Variants in NRF1 observed in about 807,000 individuals in gnomAD.
The protein encoded by NRF1 is nuclear respiratory factor 1, also known as alpha palindromic-binding protein.
A neutral mutation model predicts 58.5 loss-of-function variants in NRF1; 5 were observed. The observed-to-expected ratio is 0.09, with a 90% confidence interval of 0.04 to 0.18. The LOEUF (loss-of-function observed/expected upper bound fraction) is 0.18, where lower values mean the gene tolerates loss of function less well. Ranked by LOEUF, NRF1 falls within the 10% of genes least tolerant of loss-of-function variation. The pLI is 1.00. For synonymous variants in NRF1, 224 were observed against 246.7 expected (o/e 0.91, Z 0.86); for missense variants, 288 against 657.7 (o/e 0.44, Z 6.15).
chr7:129,702,954 G>A (rs1274955245), intron 5 of NRF1, among the ~76,000 whole-genome samples: 1 of 152,180 alleles, frequency 6.6e-6, no homozygotes, highest in Non-Finnish European at 1.5e-5. Flanking sequence ...GGTATTTGGA[G>A]GATGTGTAAG....
intron 5 of NRF1, among the ~76,000 whole-genome samples, chr7:129,699,226 G>A (rs568723845): frequency 6.6e-6 from 1 of 152,130 alleles, no homozygotes; most frequent in African/African-American, 2.4e-5. Context: ...TTATTCACAC[G>A]GCTTTTGAGA....
At chr7:129,690,579 G>C in intron 5 of NRF1, 33 bp downstream of exon 5, 1 of 1,612,962 alleles carries the variant, frequency 6.2e-7, no homozygotes, top group Non-Finnish European at 8.5e-7. Context: ...GAGACTCAAA[G>C]ACAAGTGGCA....
At chr7:129,685,125 AT>A (rs911943010) in intron 4 of NRF1, among the ~76,000 whole-genome samples, 4 of 152,098 alleles carry the variant, frequency 2.6e-5, no homozygotes, top group East Asian at 3.8e-4. Context: ...TTAAAAAAAA[AT>A]TTTTTTTATG....
rs1280264221 is a variant in NRF1 at position 129,622,670 on chromosome 7, A to G, written c.-7+10846A>G. Among the ~76,000 whole-genome samples the G allele has an allele frequency of 2.0e-5, 3 of 151,554 alleles. No homozygotes were observed. The East Asian group carries it at 5.8e-4, about 29-fold the overall frequency. ...CTGCAACCTCTGGCTCCCAGGTTCA[A>G]GCGATTCTGCCACCTCAGCCTCCTG... is the stretch of plus-strand genomic sequence containing the variant. On this transcript the variant is annotated intron_variant, in intron 1 of 10. Transcript: ENST00000393232.
chr7:129,751,417 T>C (rs6956475), intron 10 of NRF1, among the ~76,000 whole-genome samples: 135 of 152,348 alleles, frequency 8.9e-4, no homozygotes, highest in African/African-American at 3.0e-3. Flanking sequence ...AGCCAATAGA[T>C]AGATTTTTGC....
chr7:129,744,331 T>C, intron 10 of NRF1: 2 of 931,614 alleles, frequency 2.1e-6, no homozygotes, highest in Non-Finnish European at 3.4e-6. Context: ...GGGATTCCTC[T>C]ACTGTGCAGT....
At chr7:129,747,039 G>T (rs1803993095) in intron 10 of NRF1, among the ~76,000 whole-genome samples, 1 of 152,184 alleles carries the variant, frequency 6.6e-6, no homozygotes, top group South Asian at 2.1e-4. Context: ...TTGTCGTGGG[G>T]TGAGGGGAGG....
intron 9 of NRF1, among the ~76,000 whole-genome samples, chr7:129,719,633 A>G (rs1458002653): frequency 6.6e-6 from 1 of 150,902 alleles, no homozygotes; most frequent in Non-Finnish European, 1.5e-5. Context: ...GTTGCTCTTC[A>G]TTTCTTTTTT....
intron 10 of NRF1, among the ~76,000 whole-genome samples, chr7:129,736,073 G>A (rs191715096): frequency 2.0e-5 from 3 of 152,094 alleles, no homozygotes; most frequent in Admixed American, 6.6e-5. Context: ...TTACTGTGCT[G>A]TAAAACAAAC....
chr7:129,700,956 A>G (rs996734200), intron 5 of NRF1, among the ~76,000 whole-genome samples: 2 of 152,192 alleles, frequency 1.3e-5, no homozygotes, highest in Non-Finnish European at 2.9e-5. Context: ...ATACGTAACA[A>G]ATAAAAACAC....
chr7:129,615,312 G>A (rs1431879691), intron 1 of NRF1, among the ~76,000 whole-genome samples: 2 of 152,188 alleles, frequency 1.3e-5, no homozygotes, highest in African/African-American at 2.4e-5. Flanking sequence ...AACTCCCTGG[G>A]CTGTTGAATT....
At chr7:129,675,132 G>A (rs745563198) in intron 3 of NRF1, among the ~76,000 whole-genome samples, 34 of 152,108 alleles carry the variant, frequency 2.2e-4, no homozygotes, top group Non-Finnish European at 3.2e-4. Flanking sequence ...TCAGGAAACC[G>A]CTTTCTTTGC....
At chr7:129,700,624 A>G (rs764294442) in intron 5 of NRF1, among the ~76,000 whole-genome samples, 3 of 152,180 alleles carry the variant, frequency 2.0e-5, no homozygotes, top group Non-Finnish European at 4.4e-5. Flanking sequence ...TGAAATTAAG[A>G]GAATATATAT....
chr7:129,658,800 A>C (rs1490634472), intron 2 of NRF1, among the ~76,000 whole-genome samples: 1 of 152,190 alleles, frequency 6.6e-6, no homozygotes, highest in East Asian at 1.9e-4. Flanking sequence ...AATTTTGATC[A>C]AAAGTATTAG....
chr7:129,626,749 C>T (rs1248165584), intron 1 of NRF1, among the ~76,000 whole-genome samples: 1 of 152,174 alleles, frequency 6.6e-6, no homozygotes, highest in Non-Finnish European at 1.5e-5. Context: ...ATGGATGCAT[C>T]TTTATTCTCC....
intron 1 of NRF1, among the ~76,000 whole-genome samples, chr7:129,655,284 A>G (rs1801625849): frequency 1.3e-5 from 2 of 152,086 alleles, no homozygotes; most frequent in South Asian, 2.1e-4. Flanking sequence ...TAGGAAAACA[A>G]CCTTGTCCCT....
At chr7:129,677,855 G>GTT in intron 4 of NRF1, 97 bp downstream of exon 4, 1 of 1,453,244 alleles carries the variant, frequency 6.9e-7, no homozygotes, top group Non-Finnish European at 9.5e-7. Context: ...TGGCATTTCT[G>GTT]TTACCCCCTA....
rs1422472177 is a variant in NRF1 at position 129,619,490 on chromosome 7, G to GTGTGTATATATA, written c.-7+7667_-7+7668insGTGTATATATAT. Among the ~76,000 whole-genome samples, 64 of 48,610 alleles carry GTGTGTATATATA rather than the reference G, an allele frequency of 1.3e-3. 1 individual carries two copies. Among genetic ancestry groups the GTGTGTATATATA allele is most frequent in the African/African-American group, 6.1e-3 (61 of 9,988 alleles). The allele number at this position is 48,610 out of a possible 152,430, so 31.9% of individuals were successfully genotyped here. A position where few individuals can be genotyped will look rare whatever the true frequency, so the allele number is the denominator to read the frequency against. On this transcript the variant is annotated intron_variant, in intron 1 of 10. Coordinates refer to ENST00000393232, the MANE Select transcript of NRF1 (RefSeq NM_005011.5). ...TGTGTGTGTGTGTGTGTGTGTGTGT[G>GTGTGTATATATA]TATATATATATATATATATATATGT...
rs1802979307 is a variant in NRF1, at chr7:129,707,511, A to C, written c.607-1564A>C. Among the ~76,000 whole-genome samples the C allele has an allele frequency of 2.0e-5, 3 of 152,226 alleles. No individual in the cohort carries two copies. In the South Asian group the frequency reaches 6.2e-4, roughly 32 times the overall value. On this transcript the variant is annotated intron_variant, in intron 5 of 10. Coordinates refer to ENST00000393232, the MANE Select transcript of NRF1 (RefSeq NM_005011.5). ...GTATAAAATATTGTGTGTGAAGATT[A>C]AGCCCTTTCTTGCTCTATGTATTTG...
Sources: gnomAD v4.1 joint callset for allele counts (sites outside exome capture counted in the v4.1 genomes callset) on GRCh38, gnomAD v4.1.1 for gene constraint, MANE v1.5 for transcripts, NCBI Gene and HGNC (gene_info 2026-07-23, HGNC 2026-07-21) for gene names.